The following C3orf49 variants were observed in gnomAD, a reference collection of about 807,000 sequenced individuals.
The protein encoded by C3orf49 is putative uncharacterized protein C3orf49.
C3orf49 carries 27 observed loss-of-function variants against 13.3 expected under a neutral mutation model. The observed-to-expected ratio is 2.02, with a 90% CI of 1.49 to 2.79. C3orf49 has a LOEUF of 2.79. Among genes scored for constraint, C3orf49 ranks in the 30% most tolerant of loss-of-function variants. The pLI is 0.00. For missense variants in C3orf49, 242 were observed against 134.2 expected, an observed-to-expected ratio of 1.80 and a Z score of -3.97; for synonymous variants, 87 against 47.6, an observed-to-expected ratio of 1.83 and a Z score of -3.40.
At chr3:63,793,555 A>C in the C3orf49 span, among the ~76,000 whole-genome samples, 8 of 136,382 alleles carry the variant, frequency 5.9e-5, no homozygotes, top group Admixed American at 1.6e-4. Context: ...CCCTCTCCTC[A>C]CTCTCTGCTG....
At chr3:63,816,639 G>C (rs1437676515), upstream of C3orf49, among the ~76,000 whole-genome samples, 2 of 151,552 alleles carry the variant, frequency 1.3e-5, no homozygotes, top group Non-Finnish European at 2.9e-5. Context: ...CCATTGCTCT[G>C]AAGATCAAGA....
chr3:63,845,444 T>C (rs932391096), intron 6 of C3orf49, among the ~76,000 whole-genome samples: 8 of 152,152 alleles, frequency 5.3e-5, no homozygotes, highest in African/African-American at 1.9e-4. Context: ...TTGCATCCCA[T>C]TGGTGACCAG....
At position 63,831,201 on chromosome 3, in the gene C3orf49, CA is replaced by C; in HGVS notation, c.663del (p.Val222Ter). The C allele has an allele frequency of 1.4e-6, 1 of 702,820 alleles. No homozygotes were observed. The allele number at this position is 702,820 out of a possible 1,614,324, so 43.5% of individuals were successfully genotyped here. A position where few individuals can be genotyped will look rare whatever the true frequency, so the allele number is the denominator to read the frequency against. ...AACATCCTTCGAAAATCAGATTTGA[CA>C]GTAGGAAAGCTTCAAATGCAGGTAG... Reference protein sequence around the residue: ...MENILRKSDLTVGKLQMQVDD... With the variant: ...MENILRKSDLXVGKLQMQVDD... On this transcript the variant is annotated frameshift_variant, in exon 4 of 7. Coordinates refer to ENST00000295896, the MANE Select transcript of C3orf49 (RefSeq NM_001355236.2). LOFTEE classifies it high-confidence loss of function.
chr3:63,841,787 T>C (rs982580481), intron 5 of C3orf49, among the ~76,000 whole-genome samples: 14 of 152,176 alleles, frequency 9.2e-5, no homozygotes, highest in Non-Finnish European at 1.9e-4. Context: ...ATGCAGGAAA[T>C]AAATACTAAT....
chr3:63,836,708 T>C (rs1435534725), intron 5 of C3orf49, among the ~76,000 whole-genome samples: 1 of 151,924 alleles, frequency 6.6e-6, no homozygotes, highest in Non-Finnish European at 1.5e-5. Context: ...AAAAGTAAAA[T>C]AAAATAAAAT....
At chr3:63,817,271 C>T (rs924774381), upstream of C3orf49, among the ~76,000 whole-genome samples, 6 of 152,130 alleles carry the variant, frequency 3.9e-5, no homozygotes, top group African/African-American at 1.4e-4. Flanking sequence ...GTCACTCTAT[C>T]CCATCATCCT....
upstream of C3orf49, among the ~76,000 whole-genome samples, chr3:63,817,954 G>T (rs1292160447): frequency 6.6e-6 from 1 of 152,120 alleles, no homozygotes; most frequent in Non-Finnish European, 1.5e-5. Context: ...TGTTGCTAAA[G>T]AAAATATTCA....
At chr3:63,800,856 G>A in the C3orf49 span, among the ~76,000 whole-genome samples, 232 of 152,216 alleles carry the variant, frequency 1.5e-3, no homozygotes, top group African/African-American at 5.2e-3. Context: ...AGTGTCTGAG[G>A]GGAAGAACCA....
Position 63,823,382 on chromosome 3 carries a change from GA to G in C3orf49, c.260del (p.Lys87ArgfsTer56), listed in dbSNP as rs1212788041. 1 of 703,318 alleles carries G rather than the reference GA, an allele frequency of 1.4e-6. No homozygotes were observed. The highest frequency in any genetic ancestry group is 2.7e-5 in the East Asian group (1 of 37,288). 43.6% of individuals were successfully genotyped at this position (703,318 alleles called of 1,614,324 possible). ...AGAAAAGTAATTTGAAGACGAAAGT[GA>G]AGACTGCTTTTGGGAGGATGCTGTC... ...NQKSNLKTKV[K>X]TAFGRMLSYK... On this transcript the variant is annotated frameshift_variant, in exon 2 of 7. Transcript: ENST00000295896. LOFTEE classifies it high-confidence loss of function.
the C3orf49 span, among the ~76,000 whole-genome samples, chr3:63,789,447 G>A: frequency 6.6e-6 from 1 of 152,128 alleles, no homozygotes; most frequent in African/African-American, 2.4e-5. Context: ...TTACATTAGT[G>A]TAACTTTGAA....
the C3orf49 span, among the ~76,000 whole-genome samples, chr3:63,788,161 A>G: frequency 1.3e-5 from 2 of 152,160 alleles, no homozygotes; most frequent in African/African-American, 4.8e-5. Flanking sequence ...AGTTACTCTG[A>G]CCCTGTGCTC....
At chr3:63,824,101 T>G (rs1031736791) in intron 2 of C3orf49, among the ~76,000 whole-genome samples, 2 of 152,086 alleles carry the variant, frequency 1.3e-5, no homozygotes, top group African/African-American at 4.8e-5. Flanking sequence ...CTCATACCTT[T>G]TGAGAAGCAC....
the C3orf49 span, among the ~76,000 whole-genome samples, chr3:63,787,701 C>A: frequency 6.6e-6 from 1 of 152,146 alleles, no homozygotes; most frequent in Non-Finnish European, 1.5e-5. Context: ...GAGAAATTAA[C>A]TCTCTGTGGG....
At chr3:63,786,348 T>C in the C3orf49 span, among the ~76,000 whole-genome samples, 33,019 of 152,100 alleles carry the variant, frequency 0.22, 3,526 homozygotes, top group East Asian at 0.26. Flanking sequence ...TTTTCAAGAA[T>C]AGAAAAATGA....
upstream of C3orf49, among the ~76,000 whole-genome samples, chr3:63,816,769 CT>C (rs543894356): frequency 1.1e-4 from 11 of 97,202 alleles, no homozygotes; most frequent in East Asian, 6.2e-4. Context: ...CTTTTCTTTT[CT>C]TTTTTTTTTT....
intron 5 of C3orf49, chr3:63,835,406 C>T (rs1476029967): frequency 1.2e-6 from 2 of 1,612,052 alleles, no homozygotes; most frequent in Admixed American, 3.3e-5. Context: ...AATAATAAAA[C>T]AGTGTTACAT....
rs1441844071 is a variant in C3orf49 at position 63,845,015 on chromosome 3, C to T, written c.850-8C>T. 1.4e-6 allele frequency: 1 copy of T among 695,828 alleles called. No individual in the cohort carries two copies. Among genetic ancestry groups the T allele is most frequent in the African/African-American group, 1.8e-5 (1 of 56,980 alleles). 43.1% of individuals were successfully genotyped at this position (695,828 alleles called of 1,614,324 possible). A position where few individuals can be genotyped will look rare whatever the true frequency, so the allele number is the denominator to read the frequency against. Reference sequence around the variant, plus strand: ...CTTTACATTTGTTGTAATTTTGTCTCTTGACAGATGACCACAAAAGGACCT... The same window carrying T: ...CTTTACATTTGTTGTAATTTTGTCTTTTGACAGATGACCACAAAAGGACCT... On this transcript the variant is annotated splice_region_variant and splice_polypyrimidine_tract_variant and intron_variant, in intron 5 of 6. Transcript: ENST00000295896.
chr3:63,782,646 A>T, the C3orf49 span: 1 of 152,262 alleles, frequency 6.6e-6, no homozygotes, highest in East Asian at 1.9e-4. Flanking sequence ...CAATCGATTC[A>T]TCTAGTTAAA....
the C3orf49 span, among the ~76,000 whole-genome samples, chr3:63,812,487 A>G: frequency 6.6e-6 from 1 of 152,226 alleles, no homozygotes; most frequent in East Asian, 1.9e-4. Flanking sequence ...AAACACATAA[A>G]AAAGTCAAAA....
Sources: gnomAD v4.1 joint callset for allele counts (sites outside exome capture counted in the v4.1 genomes callset) on GRCh38, gnomAD v4.1.1 for gene constraint, MANE v1.5 for transcripts, NCBI Gene and HGNC (gene_info 2026-07-23, HGNC 2026-07-21) for gene names.